The following PLCH1 variants were observed in gnomAD, a reference collection of about 807,000 sequenced individuals.
The protein encoded by PLCH1 is phospholipase C eta 1, also known as 1-phosphatidylinositol 4,5-bisphosphate phosphodiesterase eta-1.
A neutral mutation model predicts 126.7 loss-of-function variants in PLCH1; 60 were observed. The observed-to-expected ratio is 0.47, with a 90% CI of 0.38 to 0.59. The LOEUF (loss-of-function observed/expected upper bound fraction) is 0.59, where lower values mean the gene tolerates loss of function less well. Among genes scored for constraint, PLCH1 ranks in the 20% least tolerant of loss-of-function variants. The pLI, the probability that PLCH1 is intolerant of heterozygous loss-of-function variation, is 0.00. For missense variants in PLCH1, 1,723 were observed against 2,040.0 expected (o/e 0.84, Z 2.99); for synonymous variants, 719 against 734.9 (o/e 0.98, Z 0.35).
At chr3:155,521,619 G>A (rs1721116427) in intron 11 of PLCH1, among the ~76,000 whole-genome samples, 2 of 152,146 alleles carry the variant, frequency 1.3e-5, no homozygotes, top group African/African-American at 4.8e-5. Flanking sequence ...AATATGATCA[G>A]ATATTCAGTT....
chr3:155,502,723 A>T (rs1187126794), intron 13 of PLCH1, among the ~76,000 whole-genome samples: 1 of 152,088 alleles, frequency 6.6e-6, no homozygotes, highest in Non-Finnish European at 1.5e-5. Context: ...TTCTCATCTT[A>T]CTTTTTCATT....
rs1443570359 is a variant in PLCH1, at chr3:155,483,060, G to A, written c.2975-9C>T. 1.9e-6 allele frequency: 3 copies of A among 1,608,250 alleles called. No individual in the cohort carries two copies. In the African/African-American group the frequency reaches 4.0e-5, roughly 22 times the overall value. On this transcript the variant is annotated splice_polypyrimidine_tract_variant and intron_variant, in intron 22 of 22. Coordinates refer to ENST00000460012, the MANE Select transcript of PLCH1 (RefSeq NM_014996.4). The stretch of plus-strand genomic sequence containing the variant: ...GCCATCTTTATCTTCTGCTGAAGGA[G>A]ACAAACAATATTTTAGGTGACATCT...
chr3:155,615,204 C>T (rs555980743), intron 2 of PLCH1, among the ~76,000 whole-genome samples: 2 of 152,256 alleles, frequency 1.3e-5, no homozygotes, highest in Admixed American at 1.3e-4. Flanking sequence ...GACTAATCAT[C>T]AGAGAAATGC....
At chr3:155,661,008 G>A (rs10513482) in intron 2 of PLCH1, among the ~76,000 whole-genome samples, 21,678 of 152,216 alleles carry the variant, frequency 0.14, 1,586 homozygotes, top group Middle Eastern at 0.22. Flanking sequence ...TTTAGAATAG[G>A]GAAGTATTGT....
intron 2 of PLCH1, among the ~76,000 whole-genome samples, chr3:155,610,364 G>GAAAAAAAAA (rs569174791): frequency 8.9e-4 from 35 of 39,442 alleles, no homozygotes; most frequent in African/African-American, 1.2e-3. Context: ...TGCGTCTGGA[G>GAAAAAAAAA]AAAAAAAAAA....
At chr3:155,733,661 A>AT (rs199566849) in intron 1 of PLCH1, among the ~76,000 whole-genome samples, 3,015 of 152,218 alleles carry the variant, frequency 0.02, 95 homozygotes, top group African/African-American at 0.069. Context: ...CTGAGCAATG[A>AT]TTTTTTGGAT....
chr3:155,676,319 T>G, intron 2 of PLCH1: 1 of 1,113,752 alleles, frequency 9.0e-7, no homozygotes, highest in Non-Finnish European at 1.1e-6. Context: ...AAGCATCTGC[T>G]CGGGGCTGCC....
At chr3:155,458,520 GA>G (rs1171852288) in intron 21 of PLCH1, among the ~76,000 whole-genome samples, 3 of 133,874 alleles carry the variant, frequency 2.2e-5, no homozygotes, top group Admixed American at 7.4e-5. Flanking sequence ...AGAGAAATAA[GA>G]AAGAGAAAGA....
At chr3:155,584,513 C>A (rs916293334) in intron 5 of PLCH1, among the ~76,000 whole-genome samples, 1 of 152,194 alleles carries the variant, frequency 6.6e-6, no homozygotes, top group African/African-American at 2.4e-5. Flanking sequence ...ATATGCCTTA[C>A]TTACAGGTTG....
chr3:155,628,229 G>C (rs1006431484), intron 2 of PLCH1, among the ~76,000 whole-genome samples: 2 of 151,764 alleles, frequency 1.3e-5, no homozygotes, highest in Admixed American at 6.6e-5. Flanking sequence ...GGAAATATCA[G>C]AAGCAGGAAT....
chr3:155,596,211 G>C (rs1396155002), intron 3 of PLCH1, 21 bp downstream of exon 3: 1 of 1,601,886 alleles, frequency 6.2e-7, no homozygotes, highest in Non-Finnish European at 8.5e-7. Context: ...GCCAAGCAAA[G>C]AATTCAAAGA....
intron 8 of PLCH1, among the ~76,000 whole-genome samples, chr3:155,560,489 G>A (rs1727424152): frequency 6.6e-6 from 1 of 152,044 alleles, no homozygotes; most frequent in Non-Finnish European, 1.5e-5. Flanking sequence ...TGCAACTATT[G>A]CAAAAATACT....
intron 1 of PLCH1, among the ~76,000 whole-genome samples, chr3:155,716,717 A>C (rs181588): frequency 0.39 from 59,422 of 151,936 alleles, 12,909 homozygotes; most frequent in African/African-American, 0.56. Context: ...CCAGGCCCCA[A>C]CTCCAACACT....
At chr3:155,519,869 G>C (rs1053277802) in intron 11 of PLCH1, among the ~76,000 whole-genome samples, 1 of 148,572 alleles carries the variant, frequency 6.7e-6, no homozygotes, top group Non-Finnish European at 1.5e-5. Flanking sequence ...AAAGTCCAAA[G>C]ATGGGAAGAA....
chr3:155,467,840 A>T (rs1712989960), intron 21 of PLCH1, among the ~76,000 whole-genome samples: 1 of 152,234 alleles, frequency 6.6e-6, no homozygotes, highest in African/African-American at 2.4e-5. Context: ...TTGTCCTATA[A>T]GAAATGTTAA....
intron 21 of PLCH1, chr3:155,486,034 T>A (rs1715022765): frequency 1.4e-6 from 1 of 699,996 alleles, no homozygotes. Context: ...AAGCAACAGA[T>A]GCATGTTTCA....
Position 155,494,342 on chromosome 3 carries a change from C to T in PLCH1, c.2070G>A (p.Gln690=). The change falls in exon 16 of 23, where the codon CAG becomes CAA. Residue 690 remains glutamine, a synonymous_variant. Transcript: ENST00000460012. ...NPLPYWNAGC[Q]LVALNYQSEG... ...TCCTTCCCAAGGAATACACACCTAG[C>T]TGGCAGCCTGCGTTCCAGTAGGGGA... 6.2e-6 allele frequency: 10 copies of T among 1,614,030 alleles called. No homozygotes were observed. Among genetic ancestry groups the T allele is most frequent in the Middle Eastern group, 1.7e-4 (1 of 6,060 alleles).
intron 10 of PLCH1, among the ~76,000 whole-genome samples, chr3:155,539,187 T>A (rs947543794): frequency 6.6e-6 from 1 of 152,088 alleles, no homozygotes; most frequent in Non-Finnish European, 1.5e-5. Context: ...AGAAAAAGCA[T>A]TTAACAAAAT....
intron 7 of PLCH1, among the ~76,000 whole-genome samples, chr3:155,566,754 C>T (rs552370509): frequency 1.3e-5 from 2 of 151,982 alleles, no homozygotes; most frequent in African/African-American, 2.4e-5. Flanking sequence ...AAATATAATG[C>T]CTGGGTCAAA....
Sources: gnomAD v4.1 joint callset for allele counts (sites outside exome capture counted in the v4.1 genomes callset) on GRCh38, gnomAD v4.1.1 for gene constraint, MANE v1.5 for transcripts, NCBI Gene and HGNC (gene_info 2026-07-23, HGNC 2026-07-21) for gene names.